The following CUL4A variants were observed in gnomAD, a reference collection of about 807,000 sequenced individuals.
The protein encoded by CUL4A is cullin-4A.
CUL4A carries 16 observed loss-of-function variants against 95.5 expected under a neutral mutation model. The observed-to-expected ratio is 0.17, with a 90% CI of 0.11 to 0.25. The LOEUF (loss-of-function observed/expected upper bound fraction) is 0.25, where lower values mean the gene tolerates loss of function less well. Among genes scored for constraint, CUL4A ranks in the 10% least tolerant of loss-of-function variants. The pLI, the probability that CUL4A is intolerant of heterozygous loss-of-function variation, is 1.00. For synonymous variants in CUL4A, 380 were observed against 353.1 expected (o/e 1.08, Z -0.85); for missense variants, 610 against 937.0 (o/e 0.65, Z 4.56).
chr13:113,263,405 C>T (rs2139321231), intron 19 of CUL4A, 82 bp from the exon 20 acceptor site: 1 of 600,576 alleles, frequency 1.7e-6, no homozygotes, highest in Non-Finnish European at 2.9e-6. Context: ...TAGTTACATA[C>T]TTCATGCATA....
At chr13:113,229,975 A>C in intron 5 of CUL4A, 1 of 334,860 alleles carries the variant, frequency 3.0e-6, no homozygotes, top group Non-Finnish European at 5.4e-6. Flanking sequence ...CGGGGACTGT[A>C]TACACCAGGG....
chr13:113,218,883 GT>G, intron 2 of CUL4A, 61 bp from the exon 3 acceptor site: 10 of 1,188,566 alleles, frequency 8.4e-6, no homozygotes, highest in Admixed American at 4.2e-5. Context: ...TAACAATAGG[GT>G]TTTTTTATGA....
chr13:113,246,728 C>G (rs1315120486), intron 15 of CUL4A, among the ~76,000 whole-genome samples: 1 of 152,140 alleles, frequency 6.6e-6, no homozygotes, highest in Non-Finnish European at 1.5e-5. Context: ...AGGGTCATGG[C>G]CAATGCTCCT....
intron 9 of CUL4A, among the ~76,000 whole-genome samples, chr13:113,237,971 ACAG>A (rs2041599031): frequency 1.3e-5 from 2 of 152,202 alleles, no homozygotes; most frequent in Admixed American, 1.3e-4. Context: ...AGGGCTTAAA[ACAG>A]CCAGATGTTG....
chr13:113,255,791 T>C (rs2042106260), intron 18 of CUL4A, among the ~76,000 whole-genome samples: 1 of 152,244 alleles, frequency 6.6e-6, no homozygotes, highest in African/African-American at 2.4e-5. Context: ...TCACAACTTA[T>C]CCCTTCACCT....
At chr13:113,256,898 A>G (rs2042133521) in intron 18 of CUL4A, among the ~76,000 whole-genome samples, 1 of 64,716 alleles carries the variant, frequency 1.5e-5, no homozygotes, top group Middle Eastern at 0.014. Context: ...TATTAAGGAT[A>G]TTAATGCTTT....
At chr13:113,223,473 G>A (rs940518014) in intron 3 of CUL4A, among the ~76,000 whole-genome samples, 11 of 152,114 alleles carry the variant, frequency 7.2e-5, no homozygotes, top group African/African-American at 1.2e-4. Context: ...TTGGCTCACC[G>A]CAACAACCTC....
intron 9 of CUL4A, among the ~76,000 whole-genome samples, chr13:113,238,321 C>CA (rs2041610114): frequency 6.6e-6 from 1 of 151,824 alleles, no homozygotes. Context: ...ACAGGTGGTG[C>CA]ATGCCTAGGG....
chr13:113,242,707 G>C (rs1397819998), intron 10 of CUL4A, among the ~76,000 whole-genome samples: 1 of 152,092 alleles, frequency 6.6e-6, no homozygotes. Flanking sequence ...GATTGCTTGA[G>C]CTTGGGAGGT....
In CUL4A at chr13:113,213,877, C is replaced by A. The variant is rs541818460; in HGVS notation, c.264+3789C>A. On this transcript the variant is annotated intron_variant, in intron 2 of 19. Coordinates refer to ENST00000375440, the MANE Select transcript of CUL4A (RefSeq NM_001008895.4). The stretch of plus-strand genomic sequence containing the variant: ...TCACTTACTTGTGATCATCTCTCCA[C>A]GCACAGGTGGGCTTCTGGCCTCTCA... Among the ~76,000 whole-genome samples the A allele has an allele frequency of 6.6e-5, 10 of 152,366 alleles. No individual in the cohort carries two copies. In the South Asian group the frequency reaches 1.7e-3, roughly 25 times the overall value.
intron 15 of CUL4A, among the ~76,000 whole-genome samples, chr13:113,252,377 C>A (rs1356415941): frequency 6.6e-6 from 1 of 152,006 alleles, no homozygotes; most frequent in African/African-American, 2.4e-5. Context: ...TCTACAACAA[C>A]AACAACAACA....
chr13:113,208,462 C>T (rs998880935), upstream of CUL4A: 149 of 1,527,316 alleles, frequency 9.8e-5, no homozygotes, highest in Non-Finnish European at 1.3e-4. Context: ...GCTCGCGCGG[C>T]TGCCCGCCGG....
intron 9 of CUL4A, among the ~76,000 whole-genome samples, chr13:113,238,556 C>A (rs1192256941): frequency 6.6e-6 from 1 of 151,526 alleles, no homozygotes; most frequent in Non-Finnish European, 1.5e-5. Context: ...AAAAGCTTAC[C>A]CTAAATTTTA....
rs546795759 is a variant in CUL4A at position 113,221,868 on chromosome 13, G to A, written c.368+2820G>A. Reference sequence around the variant, plus strand: ...TGGGATTACAGGCGTGAGCCACCGCGTCTGGCCTGTGATAAGGGTTTTCAA... The same window carrying A: ...TGGGATTACAGGCGTGAGCCACCGCATCTGGCCTGTGATAAGGGTTTTCAA... On this transcript the variant is annotated intron_variant, in intron 3 of 19. Coordinates refer to ENST00000375440, the MANE Select transcript of CUL4A (RefSeq NM_001008895.4). Among the ~76,000 whole-genome samples, 112 of 152,316 alleles carry A rather than the reference G, an allele frequency of 7.4e-4. 1 individual carries two copies. Among genetic ancestry groups the A allele is most frequent in the Non-Finnish European group, 1.4e-3 (92 of 68,016 alleles).
chr13:113,232,039 C>CCACCACTACCCGCCCACCACCATTACTGT (rs1566342787), intron 5 of CUL4A, among the ~76,000 whole-genome samples: 11 of 74,408 alleles, frequency 1.5e-4, no homozygotes, highest in Admixed American at 1.8e-4. Flanking sequence ...ATTACTGCTG[C>CCACCACTACCCGCCCACCACCATTACTGT]CACCACTACC....
chr13:113,255,105 C>A lies in CUL4A; in HGVS notation c.2011C>A (p.Gln671Lys). The change falls in exon 18 of 20, where the codon CAA (glutamine) becomes AAA (lysine). Residue 671 changes from glutamine to lysine, a missense_variant. Around this residue, in one of 10 missense-constraint regions of CUL4A, gnomAD observed 28 missense variants for 86.4 expected, o/e 0.32. Transcript: ENST00000375440. ...KHKLFRIKINQIQMKETVEEQ... is the reference protein window; with the variant it reads ...KHKLFRIKINKIQMKETVEEQ... ...CAAGTTGTTTAGAATAAAGATCAAT[C>A]AAATTCAGATGAAGGAAACTGTATG... 6.2e-7 allele frequency: 1 copy of A among 1,611,104 alleles called. No homozygotes were observed. Among genetic ancestry groups the A allele is most frequent in the South Asian group, 1.1e-5 (1 of 90,602 alleles).
At position 113,265,892 on chromosome 13, in the gene CUL4A, A is replaced by G. The variant is rs2042389546; in HGVS notation, c.*2310A>G. 6.6e-6 allele frequency: 1 copy of G among 152,266 alleles called. No individual in the cohort carries two copies. The highest frequency in any genetic ancestry group is 1.5e-5 in the Non-Finnish European group (1 of 68,046). 9.4% of individuals were successfully genotyped at this position (152,266 alleles called of 1,614,324 possible). ...TTACTTGCAGGTTAGATGGTTGCAT[A>G]CCCAGGTCATCTAAGGAGCAAATGA... On this transcript the variant is annotated 3_prime_UTR_variant, in exon 20 of 20. Coordinates refer to ENST00000375440, the MANE Select transcript of CUL4A (RefSeq NM_001008895.4).
rs1006599992 is a variant in CUL4A at position 113,209,992 on chromosome 13, C to A, written c.168C>A (p.Asp56Glu). The change falls in exon 2 of 20, where the codon GAC becomes GAA. Residue 56 changes from aspartate to glutamate, a missense_variant. Around this residue, in one of 10 missense-constraint regions of CUL4A, gnomAD observed 168 missense variants for 185.5 expected, o/e 0.91. Coordinates refer to ENST00000375440, the MANE Select transcript of CUL4A (RefSeq NM_001008895.4). ...KNFRDRPRLP[D>E]NYTQDTWRKL... ...CTGCAGACAGACCTCGGCTGCCCGA[C>A]AACTACACGCAGGACACGTGGCGGA... The A allele has an allele frequency of 1.3e-5, 19 of 1,516,552 alleles. No individual in the cohort carries two copies. The highest frequency in any genetic ancestry group is 1.7e-5 in the Non-Finnish European group (19 of 1,133,250). 93.9% of individuals were successfully genotyped at this position (1,516,552 alleles called of 1,614,324 possible).
chr13:113,236,696 T>G, intron 8 of CUL4A, 127 bp from the exon 9 acceptor site: 1 of 583,958 alleles, frequency 1.7e-6, no homozygotes, highest in South Asian at 2.4e-5. Flanking sequence ...GAGGAAATGT[T>G]CTTAACCTTC....
Sources: gnomAD v4.1 joint callset for allele counts (sites outside exome capture counted in the v4.1 genomes callset) on GRCh38, gnomAD v4.1.1 for gene constraint, gnomAD v4.1.1 regional missense constraint, MANE v1.5 for transcripts, NCBI Gene and HGNC (gene_info 2026-07-23, HGNC 2026-07-21) for gene names.